Variants in B3GALT1 observed in about 807,000 individuals in gnomAD.
The protein encoded by B3GALT1 is UDP-Gal:betaGlcNAc beta 1,3-galactosyltransferase, polypeptide 1.
Under a neutral mutation model 23.2 loss-of-function variants are expected in B3GALT1, and 10 were observed. The observed-to-expected ratio is 0.43, with a 90% CI of 0.27 to 0.73. The LOEUF is 0.73. Among genes scored for constraint, B3GALT1 ranks in the 30% least tolerant of loss-of-function variants. The probability of loss-of-function intolerance (pLI) is 0.21; values close to 1 mark genes in which losing one functional copy is unlikely to be tolerated. For missense variants in B3GALT1, 299 were observed against 405.4 expected (o/e 0.74, Z 2.25); for synonymous variants, 156 against 141.5 (o/e 1.10, Z -0.73).
intron 2 of B3GALT1, among the ~76,000 whole-genome samples, chr2:167,529,344 A>AT (rs1683280452): frequency 6.6e-6 from 1 of 151,880 alleles, no homozygotes; most frequent in African/African-American, 2.4e-5. Flanking sequence ...CATATGTACC[A>AT]AAATACCATC....
chr2:167,833,057 A>C (rs1689383924), intron 4 of B3GALT1, among the ~76,000 whole-genome samples: 1 of 152,178 alleles, frequency 6.6e-6, no homozygotes, highest in Non-Finnish European at 1.5e-5. Context: ...TTGGTTTCTT[A>C]AGGGACAGGC....
At chr2:167,445,582 G>T (rs948370113) in intron 1 of B3GALT1, among the ~76,000 whole-genome samples, 1 of 152,164 alleles carries the variant, frequency 6.6e-6, no homozygotes, top group African/African-American at 2.4e-5. Flanking sequence ...AGAGTTGTTA[G>T]CTCTTCTTGT....
chr2:167,436,834 A>G (rs1181889725), intron 1 of B3GALT1, among the ~76,000 whole-genome samples: 5 of 152,158 alleles, frequency 3.3e-5, no homozygotes, highest in Admixed American at 1.3e-4. Flanking sequence ...TAACTACTAC[A>G]TTCATAGTCA....
chr2:167,858,810 G>A (rs1232136551), intron 4 of B3GALT1, among the ~76,000 whole-genome samples: 4 of 151,964 alleles, frequency 2.6e-5, no homozygotes, highest in African/African-American at 4.8e-5. Flanking sequence ...AAGAAAAATC[G>A]CCAAGTCTGT....
At chr2:167,440,496 TAGAG>T (rs1698863925) in intron 1 of B3GALT1, among the ~76,000 whole-genome samples, 1 of 152,132 alleles carries the variant, frequency 6.6e-6, no homozygotes, top group East Asian at 1.9e-4. Context: ...TCATGCCTTA[TAGAG>T]ATTGTACTAT....
chr2:167,503,237 A>C (rs902300138), intron 2 of B3GALT1, among the ~76,000 whole-genome samples: 1 of 152,108 alleles, frequency 6.6e-6, no homozygotes, highest in East Asian at 1.9e-4. Context: ...AACTATTATA[A>C]AAATTATTAC....
chr2:167,845,484 C>T (rs914761395), intron 4 of B3GALT1, among the ~76,000 whole-genome samples: 3 of 152,054 alleles, frequency 2.0e-5, no homozygotes, highest in South Asian at 2.1e-4. Context: ...AGTGGCTAGA[C>T]CCAGAAGAGA....
At chr2:167,813,556 T>G (rs1688933623) in intron 3 of B3GALT1, among the ~76,000 whole-genome samples, 1 of 152,212 alleles carries the variant, frequency 6.6e-6, no homozygotes, top group Non-Finnish European at 1.5e-5. Flanking sequence ...CCTAACTAAC[T>G]GATGTTTTTG....
At chr2:167,738,517 C>T (rs1687526217) in intron 3 of B3GALT1, among the ~76,000 whole-genome samples, 1 of 152,174 alleles carries the variant, frequency 6.6e-6, no homozygotes, top group Non-Finnish European at 1.5e-5. Flanking sequence ...TAAAGACAAG[C>T]ACAAACAGTT....
At chr2:167,452,388 T>G (rs945399422) in intron 1 of B3GALT1, among the ~76,000 whole-genome samples, 1 of 152,166 alleles carries the variant, frequency 6.6e-6, no homozygotes, top group Admixed American at 6.6e-5. Context: ...GCTTCTTCTA[T>G]CCCTGTATTT....
chr2:167,596,547 G>A (rs1468448814), intron 2 of B3GALT1, among the ~76,000 whole-genome samples: 5 of 152,180 alleles, frequency 3.3e-5, no homozygotes, highest in Non-Finnish European at 4.4e-5. Flanking sequence ...TTACAACACT[G>A]AGTATAGTAT....
intron 3 of B3GALT1, among the ~76,000 whole-genome samples, chr2:167,647,254 A>G (rs1685763485): frequency 6.6e-6 from 1 of 152,164 alleles, no homozygotes; most frequent in Admixed American, 6.5e-5. Context: ...TGAAAATCCA[A>G]CTCGACTATT....
intron 2 of B3GALT1, among the ~76,000 whole-genome samples, chr2:167,508,752 C>T (rs1028187793): frequency 4.0e-5 from 6 of 151,072 alleles, no homozygotes; most frequent in African/African-American, 1.5e-4. Context: ...ATAGTAAGTA[C>T]AATTTATTTT....
intron 1 of B3GALT1, among the ~76,000 whole-genome samples, chr2:167,311,808 G>C (rs1327485978): frequency 6.6e-6 from 1 of 151,910 alleles, no homozygotes; most frequent in Non-Finnish European, 1.5e-5. Context: ...ATTATAGCAG[G>C]AAGATATAGC....
In B3GALT1 at chr2:167,829,693, C is replaced by G. The variant is rs1021793361; in HGVS notation, c.-230+10900C>G. Among the ~76,000 whole-genome samples, 21 of 152,094 alleles carry G rather than the reference C, an allele frequency of 1.4e-4. 1 individual carries two copies. The highest frequency in any genetic ancestry group is 5.9e-4 in the Admixed American group (9 of 15,276). Reference sequence around the variant, plus strand: ...TCCTTCTCTCCTCCTTTGTTGATATCCTTCTCCACTGGCATCATCTCTACC... The same window carrying G: ...TCCTTCTCTCCTCCTTTGTTGATATGCTTCTCCACTGGCATCATCTCTACC... On this transcript the variant is annotated intron_variant, in intron 4 of 4. Transcript: ENST00000392690.
intron 2 of B3GALT1, among the ~76,000 whole-genome samples, chr2:167,565,684 G>T (rs1027952674): frequency 6.6e-6 from 1 of 152,182 alleles, no homozygotes; most frequent in African/African-American, 2.4e-5. Context: ...CCATCAAAAA[G>T]TGGGCAAGGA....
intron 2 of B3GALT1, among the ~76,000 whole-genome samples, chr2:167,610,253 A>G (rs969911988): frequency 3.9e-5 from 6 of 152,092 alleles, no homozygotes; most frequent in Non-Finnish European, 7.4e-5. Context: ...TATTAATTAG[A>G]TGGTTTGTTT....
At position 167,563,251 on chromosome 2, in the gene B3GALT1, C is replaced by T. The variant is rs1174963148; in HGVS notation, c.-410+72974C>T. On this transcript the variant is annotated intron_variant, in intron 2 of 4. Coordinates refer to ENST00000392690, the MANE Select transcript of B3GALT1 (RefSeq NM_020981.4). Reference sequence around the variant, plus strand: ...CCGGGCAGAGGCGCCCCCCACCTCCCAGACGGGGCGGCTGGCCGGGCAGAG... The same window carrying T: ...CCGGGCAGAGGCGCCCCCCACCTCCTAGACGGGGCGGCTGGCCGGGCAGAG... 4.0e-5 allele frequency among the ~76,000 whole-genome samples: 6 copies of T among 149,218 alleles called. No individual in the cohort carries two copies. In the East Asian group the frequency reaches 8.2e-4, roughly 20 times the overall value.
At chr2:167,529,652 A>G (rs559364895) in intron 2 of B3GALT1, among the ~76,000 whole-genome samples, 1 of 151,290 alleles carries the variant, frequency 6.6e-6, no homozygotes, top group Non-Finnish European at 1.5e-5. Flanking sequence ...GTCTTTCAGT[A>G]GCTCAGACCA....
Sources: gnomAD v4.1 joint callset for allele counts (sites outside exome capture counted in the v4.1 genomes callset) on GRCh38, gnomAD v4.1.1 for gene constraint, MANE v1.5 for transcripts, NCBI Gene and HGNC (gene_info 2026-07-23, HGNC 2026-07-21) for gene names.